ALDH3B2: variants seen among roughly 807,000 people sequenced by gnomAD.
ALDH3B2 encodes aldehyde dehydrogenase family 3 member B2.
A neutral mutation model predicts 36.7 loss-of-function variants in ALDH3B2; 45 were observed. The ratio of observed to expected loss-of-function variants is 1.23; its 90% CI spans 0.97 to 1.57. ALDH3B2 has a LOEUF of 1.57. Among genes scored for constraint, ALDH3B2 ranks in the 40% most tolerant of loss-of-function variants. ALDH3B2 has a pLI of 0.00. For missense variants in ALDH3B2, 464 were observed against 513.3 expected (o/e 0.90, Z 0.93); for synonymous variants, 217 against 226.5 (o/e 0.96, Z 0.38).
At chr11:67,677,911 G>T (rs1431135238), upstream of ALDH3B2, among the ~76,000 whole-genome samples, 6 of 151,758 alleles carry the variant, frequency 4.0e-5, no homozygotes, top group Non-Finnish European at 8.8e-5. Context: ...ACCTAAAAAA[G>T]AAGTCGAAAG....
rs867037968 is a variant in ALDH3B2 at position 67,672,136 on chromosome 11, A to G, written c.-245+2301T>C. 2.1e-4 allele frequency among the ~76,000 whole-genome samples: 22 copies of G among 104,472 alleles called. 1 individual carries two copies. Among genetic ancestry groups the G allele is most frequent in the African/African-American group, 8.3e-4 (22 of 26,396 alleles). 68.5% of individuals were successfully genotyped at this position (104,472 alleles called of 152,430 possible). ...TGTGTGTGTGTGTGTGTGTGTGTGT[A>G]TATATATATGTATTTTTTTTTTTTT... On this transcript the variant is annotated intron_variant, in intron 1 of 9. Transcript: ENST00000349015.
At chr11:67,665,037 G>C (rs1288598346) in intron 7 of ALDH3B2, among the ~76,000 whole-genome samples, 1 of 152,176 alleles carries the variant, frequency 6.6e-6, no homozygotes, top group African/African-American at 2.4e-5. Context: ...ACCTTAGCAC[G>C]CTGGGCCCTG....
chr11:67,663,775 AG>A lies in ALDH3B2; in HGVS notation c.874-15del. 6.2e-7 allele frequency: 1 copy of A among 1,604,558 alleles called. No individual in the cohort carries two copies. Among genetic ancestry groups the A allele is most frequent in the Non-Finnish European group, 8.5e-7 (1 of 1,172,998 alleles). On this transcript the variant is annotated splice_polypyrimidine_tract_variant and intron_variant, in intron 8 of 9. Transcript: ENST00000349015. Reference sequence around the variant, plus strand: ...CTGGTTCACAACCTGCCAGGGAGTGAGAAGGTGGGTGTTGGGCTCTAGTCAT... The same window carrying A: ...CTGGTTCACAACCTGCCAGGGAGTGAAAGGTGGGTGTTGGGCTCTAGTCAT...
rs142842552 is a variant in ALDH3B2, at chr11:67,665,303, C to T, written c.688G>A (p.Glu230Lys). 87 of 1,609,762 alleles carry T rather than the reference C, an allele frequency of 5.4e-5. No individual in the cohort carries two copies. Among genetic ancestry groups the T allele is most frequent in the Admixed American group, 1.7e-4 (10 of 59,712 alleles). The change falls in exon 7 of 10, where the codon GAG (glutamate) becomes AAG (lysine). Residue 230 changes from glutamate (E) to lysine (K), a missense_variant. Glu to Lys is a moderately conservative substitution (Grantham distance 56). Coordinates refer to ENST00000349015, the Ensembl canonical transcript of ALDH3B2. ...GACTCACCGATGTAGCGATCGCTCT[C>T]GTTGCTCTGGCCCCCAATGGCCACG...
intron 1 of ALDH3B2, among the ~76,000 whole-genome samples, chr11:67,669,267 T>C (rs1856008981): frequency 6.6e-6 from 1 of 151,470 alleles, no homozygotes. Flanking sequence ...GATGTCTGTG[T>C]GTGTGTATGG....
intron 6 of ALDH3B2, 72 bp downstream of exon 6, chr11:67,666,050 T>C: frequency 7.1e-7 from 1 of 1,407,760 alleles, no homozygotes; most frequent in Non-Finnish European, 9.9e-7. Context: ...GCCTCCTCCC[T>C]CCACAACCCT....
intron 1 of ALDH3B2, among the ~76,000 whole-genome samples, chr11:67,674,039 G>A (rs759190243): frequency 1.2e-4 from 18 of 152,182 alleles, no homozygotes; most frequent in Non-Finnish European, 2.1e-4. Flanking sequence ...TCCAATCCCC[G>A]ATTCTCCGGC....
At chr11:67,679,331 C>T (rs879640594), upstream of ALDH3B2, among the ~76,000 whole-genome samples, 1 of 151,966 alleles carries the variant, frequency 6.6e-6, no homozygotes, top group Non-Finnish European at 1.5e-5. Context: ...ATTAGCCATG[C>T]ATTGTGGCGT....
exon 10 of ALDH3B2, chr11:67,663,365 G>A (rs1855805011): frequency 6.2e-7 from 1 of 1,613,784 alleles, no homozygotes; most frequent in East Asian, 2.2e-5. Flanking sequence ...TGTCGAAGGT[G>A]AACTTGCCGT....
intron 1 of ALDH3B2, among the ~76,000 whole-genome samples, chr11:67,673,397 A>G (rs1856186563): frequency 1.3e-5 from 2 of 152,204 alleles, no homozygotes; most frequent in Admixed American, 1.3e-4. Flanking sequence ...CAATATCATT[A>G]CAAACATGAT....
At chr11:67,680,979 C>G (rs1440065571) in intron 1 of ALDH3B2, among the ~76,000 whole-genome samples, 1 of 152,172 alleles carries the variant, frequency 6.6e-6, no homozygotes, top group Non-Finnish European at 1.5e-5. Context: ...TCCTCCAAAT[C>G]AAGGATGGGT....
At chr11:67,677,101 T>C (rs947590921), upstream of ALDH3B2, among the ~76,000 whole-genome samples, 2 of 152,234 alleles carry the variant, frequency 1.3e-5, no homozygotes, top group African/African-American at 4.8e-5. Flanking sequence ...TAATTCATTC[T>C]ATGAAGCCAG....
At chr11:67,663,743 C>G in exon 9 of ALDH3B2, 1 of 1,612,124 alleles carries the variant, frequency 6.2e-7, no homozygotes, top group Non-Finnish European at 8.5e-7. Context: ...CTGGTCCGCT[C>G]CAGCATCTGG....
chr11:67,680,421 A>G (rs1041015260), intron 1 of ALDH3B2, among the ~76,000 whole-genome samples: 2 of 152,148 alleles, frequency 1.3e-5, no homozygotes, highest in Non-Finnish European at 2.9e-5. Context: ...TAATTGTCAA[A>G]TTATTATCAT....
At chr11:67,664,210 G>A (rs57134963) in intron 8 of ALDH3B2, 186 bp downstream of exon 8, 1 of 926,146 alleles carries the variant, frequency 1.1e-6, no homozygotes, top group Non-Finnish European at 1.6e-6. Context: ...TGTCTGGTGG[G>A]TTTGGACCCT....
upstream of ALDH3B2, among the ~76,000 whole-genome samples, chr11:67,679,409 T>G (rs1354191033): frequency 6.7e-6 from 1 of 148,660 alleles, no homozygotes; most frequent in Non-Finnish European, 1.5e-5. Flanking sequence ...AGGTGGAGGT[T>G]GCAGTGAGCT....
intron 1 of ALDH3B2, among the ~76,000 whole-genome samples, chr11:67,673,340 G>T (rs1021930381): frequency 5.3e-5 from 8 of 152,198 alleles, no homozygotes; most frequent in Non-Finnish European, 8.8e-5. Flanking sequence ...GACTTGGCCA[G>T]CCCCCATGGA....
intron 8 of ALDH3B2, 61 bp from the exon 9 acceptor site, chr11:67,663,822 G>T: frequency 2.1e-6 from 3 of 1,438,646 alleles, no homozygotes; most frequent in Non-Finnish European, 2.9e-6. Context: ...CTTGAGCCCC[G>T]CACATTCCAC....
rs544174705 is a variant in ALDH3B2, at chr11:67,666,948, G to T, written c.-13C>A. On this transcript the variant is annotated 5_prime_UTR_variant, in exon 3 of 10. Transcript: ENST00000349015. The stretch of plus-strand genomic sequence containing the variant: ...GTTCATCCTTCATCCAGGCCTGCAG[G>T]TTCTTGAGAGCGTAGTCAACCTCGT... 5 of 1,614,158 alleles carry T rather than the reference G, an allele frequency of 3.1e-6. No individual in the cohort carries two copies. The South Asian group carries it at 3.3e-5, about 11-fold the overall frequency.
Sources: allele counts gnomAD v4.1 joint callset (sites outside exome capture counted in the v4.1 genomes callset), GRCh38; gene constraint gnomAD v4.1.1; transcripts MANE v1.5; gene names NCBI Gene and HGNC (gene_info 2026-07-23, HGNC 2026-07-21).